Variants in RBPMS observed in about 807,000 individuals in gnomAD.
The protein encoded by RBPMS is RNA binding protein, mRNA processing factor.
RBPMS carries 7 observed loss-of-function variants against 26.8 expected under a neutral mutation model. The ratio of observed to expected loss-of-function variants is 0.26; its 90% CI spans 0.15 to 0.49. The LOEUF (loss-of-function observed/expected upper bound fraction) is 0.49, where lower values mean the gene tolerates loss of function less well. Among genes scored for constraint, RBPMS ranks in the 20% least tolerant of loss-of-function variants. The pLI is 0.98. For synonymous variants in RBPMS, 96 were observed against 93.3 expected, an observed-to-expected ratio of 1.03 and a Z score of -0.17; for missense variants, 186 against 250.0, an observed-to-expected ratio of 0.74 and a Z score of 1.73.
chr8:30,567,141 C>T (rs1303318911), intron 8 of RBPMS, among the ~76,000 whole-genome samples: 1 of 152,190 alleles, frequency 6.6e-6, no homozygotes, highest in African/African-American at 2.4e-5. Context: ...AAGCGGCAGG[C>T]TGCATCCCTC....
chr8:30,566,523 C>T (rs1259226797), intron 8 of RBPMS, among the ~76,000 whole-genome samples, 163 bp downstream of exon 8: 2 of 152,180 alleles, frequency 1.3e-5, no homozygotes, highest in African/African-American at 4.8e-5. Context: ...CACGGCCTGC[C>T]AGGGAAGGTC....
intron 6 of RBPMS, chr8:30,545,415 C>G: frequency 9.6e-7 from 1 of 1,041,380 alleles, no homozygotes; most frequent in Non-Finnish European, 1.2e-6. Flanking sequence ...CTCTGGAGAT[C>G]ACCACTCATT....
At position 30,552,251 on chromosome 8, in the gene RBPMS, C is replaced by T. The variant is rs547045378; in HGVS notation, c.529-6636C>T. On this transcript the variant is annotated intron_variant, in intron 6 of 8. Transcript: ENST00000397323. ...TAGGCATAGGCACCCAGATGCCGTC[C>T]GGAAAGTATGTGAACTCTAACTGCT... 6 of 152,110 alleles carry T rather than the reference C, an allele frequency of 3.9e-5. No homozygotes were observed. In the South Asian group the frequency reaches 6.2e-4, roughly 16 times the overall value. The allele number at this position is 152,110 out of a possible 1,614,324, so 9.4% of individuals were successfully genotyped here.
intron 4 of RBPMS, among the ~76,000 whole-genome samples, chr8:30,483,148 T>C (rs1818447604): frequency 6.6e-6 from 1 of 152,194 alleles, no homozygotes; most frequent in African/African-American, 2.4e-5. Context: ...AATTCAGGCT[T>C]GTGCATGATC....
At chr8:30,495,402 C>T (rs1819837145) in intron 4 of RBPMS, among the ~76,000 whole-genome samples, 1 of 151,914 alleles carries the variant, frequency 6.6e-6, no homozygotes, top group African/African-American at 2.4e-5. Context: ...TGTGCCCAGA[C>T]TCATGGCCCA....
intron 1 of RBPMS, among the ~76,000 whole-genome samples, chr8:30,468,176 C>T (rs1421662446): frequency 6.6e-6 from 1 of 152,008 alleles, no homozygotes; most frequent in Non-Finnish European, 1.5e-5. Context: ...TTTCTTTCCC[C>T]AAAAAACTTC....
At chr8:30,512,000 T>TA (rs1821767766) in intron 5 of RBPMS, among the ~76,000 whole-genome samples, 1 of 152,166 alleles carries the variant, frequency 6.6e-6, no homozygotes, top group Non-Finnish European at 1.5e-5. Flanking sequence ...TTGTTTTACA[T>TA]AATATTGGGT....
At chr8:30,419,734 A>AC in intron 1 of RBPMS, among the ~76,000 whole-genome samples, 1 of 152,224 alleles carries the variant, frequency 6.6e-6, no homozygotes, top group Admixed American at 6.5e-5. Flanking sequence ...CCCATCCCCA[A>AC]CATATCTCAT....
At chr8:30,523,668 C>T (rs1373132299) in intron 5 of RBPMS, among the ~76,000 whole-genome samples, 1 of 151,466 alleles carries the variant, frequency 6.6e-6, no homozygotes, top group African/African-American at 2.4e-5. Flanking sequence ...TTTTTCTTTT[C>T]TTGATTTCTG....
rs560611207 is a variant in RBPMS, at chr8:30,502,218, G to T, written c.247-2068G>T. Among the ~76,000 whole-genome samples, 10 of 150,952 alleles carry T rather than the reference G, an allele frequency of 6.6e-5. No homozygotes were observed. In the South Asian group the frequency reaches 2.1e-3, roughly 32 times the overall value. On this transcript the variant is annotated intron_variant, in intron 4 of 8. Transcript: ENST00000397323. ...GTTGATGTTATTTTAGTTCAAATTG[G>T]GGGGCGGGTATGAAGAAGGGGGCAG...
At chr8:30,511,486 A>AAAAAAAAAATATAT (rs1821657057) in intron 5 of RBPMS, among the ~76,000 whole-genome samples, 1 of 23,574 alleles carries the variant, frequency 4.2e-5, no homozygotes, top group African/African-American at 1.6e-4. Context: ...AAAAAAAAAA[A>AAAAAAAAAATATAT]ATATATATAT....
intron 4 of RBPMS, among the ~76,000 whole-genome samples, chr8:30,484,426 T>G (rs1479143537): frequency 6.6e-6 from 1 of 152,158 alleles, no homozygotes; most frequent in Non-Finnish European, 1.5e-5. Context: ...GGGGAAAAAC[T>G]CAACCCTCAT....
At chr8:30,495,404 C>G (rs1819838069) in intron 4 of RBPMS, among the ~76,000 whole-genome samples, 1 of 152,048 alleles carries the variant, frequency 6.6e-6, no homozygotes, top group Non-Finnish European at 1.5e-5. Flanking sequence ...TGCCCAGACT[C>G]ATGGCCCAGC....
At chr8:30,521,705 C>T (rs959065539) in intron 5 of RBPMS, among the ~76,000 whole-genome samples, 1 of 139,964 alleles carries the variant, frequency 7.1e-6, no homozygotes, top group Non-Finnish European at 1.6e-5. Flanking sequence ...TCCTCTACCC[C>T]CCTTTTTTTA....
intron 1 of RBPMS, among the ~76,000 whole-genome samples, chr8:30,414,628 G>T (rs1042424986): frequency 2.7e-4 from 41 of 152,102 alleles, no homozygotes; most frequent in African/African-American, 9.9e-4. Flanking sequence ...CATGCCCTAT[G>T]GATAGTACAC....
chr8:30,523,536 T>C (rs1380163719), intron 5 of RBPMS, among the ~76,000 whole-genome samples: 3 of 151,104 alleles, frequency 2.0e-5, no homozygotes, highest in Non-Finnish European at 4.4e-5. Flanking sequence ...GCAGCTTCAT[T>C]TGGAGTATCA....
rs760302838 is a variant in RBPMS, at chr8:30,571,454, G to A, written c.*929G>A. On this transcript the variant is annotated 3_prime_UTR_variant, in exon 9 of 9. Transcript: ENST00000397323. ...GTGTAAGTGCAGAGCCTGCCTCACTGGTAAGGGAAAACCTTGGCTTGGGAG... is the reference window on the plus strand; with the variant it reads ...GTGTAAGTGCAGAGCCTGCCTCACTAGTAAGGGAAAACCTTGGCTTGGGAG... 2.0e-5 allele frequency: 3 copies of A among 152,292 alleles called. No homozygotes were observed. The highest frequency in any genetic ancestry group is 7.2e-5 in the African/African-American group (3 of 41,470). The allele number at this position is 152,292 out of a possible 1,614,324, so 9.4% of individuals were successfully genotyped here.
intron 6 of RBPMS, chr8:30,549,645 C>A: frequency 1.5e-6 from 2 of 1,316,730 alleles, no homozygotes; most frequent in Non-Finnish European, 2.2e-6. Context: ...GACGGGGAGG[C>A]CAGGCCTCAT....
intron 1 of RBPMS, among the ~76,000 whole-genome samples, chr8:30,393,041 A>C (rs1487374479): frequency 6.6e-6 from 1 of 152,170 alleles, no homozygotes; most frequent in Non-Finnish European, 1.5e-5. Flanking sequence ...TTTAGTGAAA[A>C]TTTAGAGTCA....
Sources: allele counts gnomAD v4.1 joint callset (sites outside exome capture counted in the v4.1 genomes callset), GRCh38; gene constraint gnomAD v4.1.1; transcripts MANE v1.5; gene names NCBI Gene and HGNC (gene_info 2026-07-23, HGNC 2026-07-21).